FMO2: variants seen among roughly 807,000 people sequenced by gnomAD.
FMO2 encodes flavin-containing monooxygenase 2.
In FMO2, 33 loss-of-function variants were observed where a neutral mutation model predicts 41.6. That is an observed-to-expected ratio of 0.79 (90% CI 0.60 to 1.06). The LOEUF (loss-of-function observed/expected upper bound fraction) is 1.06, where lower values mean the gene tolerates loss of function less well. Among genes scored for constraint, FMO2 ranks in the 50% least tolerant of loss-of-function variants. FMO2 has a pLI of 0.00. For synonymous variants in FMO2, 214 were observed against 219.6 expected, an observed-to-expected ratio of 0.97 and a Z score of 0.23; for missense variants, 619 against 632.9, an observed-to-expected ratio of 0.98 and a Z score of 0.23.
chr1:171,185,674 G>A, intron 1 of FMO2, 34 bp from the exon 2 acceptor site: 2 of 1,611,140 alleles, frequency 1.2e-6, no homozygotes, highest in Non-Finnish European at 1.7e-6. Context: ...GGTTGTCCCA[G>A]TTAAGTAATG....
At chr1:171,199,317 C>T (rs1241621879) in intron 4 of FMO2, 29 bp from the exon 5 acceptor site, 4 of 1,535,414 alleles carry the variant, frequency 2.6e-6, no homozygotes, top group Non-Finnish European at 3.5e-6. Flanking sequence ...CTCTGGAGCT[C>T]ACAGACTTCT....
At chr1:171,193,576 A>G (rs1658177838) in intron 3 of FMO2, 53 bp downstream of exon 3, 10 of 1,159,192 alleles carry the variant, frequency 8.6e-6, no homozygotes, top group Middle Eastern at 2.3e-4. Context: ...GCTCATATTT[A>G]GATAGAAAAG....
rs747603171 is a variant in FMO2 at position 171,199,328 on chromosome 1, C to T, written c.485-18C>T. On this transcript the variant is annotated intron_variant, in intron 4 of 8. Coordinates refer to ENST00000209929, the MANE Select transcript of FMO2 (RefSeq NM_001460.5). ...GTTGCTCTGGAGCTCACAGACTTCT[C>T]TCTTCTTCCCCCTGAAGGTATGGAG... 1.9e-6 allele frequency: 3 copies of T among 1,557,372 alleles called. No homozygotes were observed. The South Asian group carries it at 3.7e-5, about 19-fold the overall frequency.
At chr1:171,199,650 C>G (rs775541070) in intron 5 of FMO2, 162 bp downstream of exon 5, 5 of 554,300 alleles carry the variant, frequency 9.0e-6, no homozygotes, top group Non-Finnish European at 1.5e-5. Flanking sequence ...ACCACTTTAC[C>G]TCCTAGCTCT....
At chr1:171,202,523 A>G (rs1427510422) in intron 5 of FMO2, among the ~76,000 whole-genome samples, 1 of 152,172 alleles carries the variant, frequency 6.6e-6, no homozygotes, top group Non-Finnish European at 1.5e-5. Flanking sequence ...TTATAACTTA[A>G]CAGCTAGCAG....
At chr1:171,201,996 G>A (rs1330707903) in intron 5 of FMO2, among the ~76,000 whole-genome samples, 1 of 152,142 alleles carries the variant, frequency 6.6e-6, no homozygotes. Flanking sequence ...GGGACACACA[G>A]CCAAACCATA....
Position 171,208,886 on chromosome 1 carries a change from G to A in FMO2, c.1349G>A (p.Cys450Tyr), listed in dbSNP as rs1049857219. 2.5e-6 allele frequency: 4 copies of A among 1,613,832 alleles called. No homozygotes were observed. The highest frequency in any genetic ancestry group is 3.4e-6 in the Non-Finnish European group (4 of 1,179,876). Residue 450 changes from cysteine to tyrosine, a missense_variant, in exon 9 of 9, where the codon TGC (cysteine) becomes TAC (tyrosine). Physicochemically the swap from Cys to Tyr is radical, Grantham distance 194. Transcript: ENST00000209929. ...ALEIGAKPDF[C>Y]SLLFKDPKLA... Reference sequence around the variant, plus strand: ...GAGATAGGTGCGAAGCCAGATTTCTGCTCTCTCTTGTTCAAAGATCCTAAA... The same window carrying A: ...GAGATAGGTGCGAAGCCAGATTTCTACTCTCTCTTGTTCAAAGATCCTAAA...
intron 5 of FMO2, among the ~76,000 whole-genome samples, chr1:171,200,589 C>T (rs1319157817): frequency 6.6e-6 from 1 of 152,164 alleles, no homozygotes; most frequent in African/African-American, 2.4e-5. Flanking sequence ...GCAAACATGA[C>T]ACCCGCCCAG....
rs764445127 is a variant in FMO2 at position 171,185,770 on chromosome 1, G to A, written c.57G>A (p.Lys19=). 2.5e-6 allele frequency: 4 copies of A among 1,613,764 alleles called. No homozygotes were observed. The South Asian group carries it at 4.4e-5, about 18-fold the overall frequency. ...GGGTCAGTGGCCTAATTTCTCTGAAGTGCTGTGTGGATGAGGGACTTGAGC... is the reference window on the plus strand; with the variant it reads ...GGGTCAGTGGCCTAATTTCTCTGAAATGCTGTGTGGATGAGGGACTTGAGC... The part of the protein sequence containing the change: ...GAGVSGLISL[K]CCVDEGLEPT... Residue 19 remains lysine, a synonymous_variant, in exon 2 of 9, where the codon AAG becomes AAA. Transcript: ENST00000209929.
intron 2 of FMO2, among the ~76,000 whole-genome samples, chr1:171,187,457 G>A (rs1657896796): frequency 6.6e-6 from 1 of 151,984 alleles, no homozygotes; most frequent in Admixed American, 6.6e-5. Flanking sequence ...TTTTTAACAT[G>A]TAACATTAGG....
intron 2 of FMO2, among the ~76,000 whole-genome samples, chr1:171,192,765 C>CAAA (rs71561558): frequency 1.3e-4 from 14 of 111,518 alleles, no homozygotes; most frequent in Non-Finnish European, 2.0e-4. Flanking sequence ...GACTCTGTCT[C>CAAA]AAAAAAAAAA....
At position 171,207,807 on chromosome 1, in the gene FMO2, A is replaced by G. The variant is rs1405614852; in HGVS notation, c.1256+17A>G. 6.9e-7 allele frequency: 1 copy of G among 1,451,702 alleles called. No homozygotes were observed. The highest frequency in any genetic ancestry group is 2.3e-5 in the East Asian group (1 of 44,106). 89.9% of individuals were successfully genotyped at this position (1,451,702 alleles called of 1,614,324 possible). A position where few individuals can be genotyped will look rare whatever the true frequency, so the allele number is the denominator to read the frequency against. Reference sequence around the variant, plus strand: ...AATTGACCTGTAAGAATTTTTTTTAATTCTTTACATGAAGCAGTGTTTCTC... The same window carrying G: ...AATTGACCTGTAAGAATTTTTTTTAGTTCTTTACATGAAGCAGTGTTTCTC... On this transcript the variant is annotated intron_variant, in intron 8 of 8. Transcript: ENST00000209929.
rs111487712 is a variant in FMO2 at position 171,200,845 on chromosome 1, C to T, written c.627+1357C>T. Among the ~76,000 whole-genome samples the T allele has an allele frequency of 7.2e-5, 11 of 152,156 alleles. No homozygotes were observed. In the East Asian group the frequency reaches 2.1e-3, roughly 29 times the overall value. ...GGAAAATGAGAGTACCAGCTCTAGG[C>T]TCTTTCATGCTAGGAATACCCGCAA... On this transcript the variant is annotated intron_variant, in intron 5 of 8. Transcript: ENST00000209929.
rs192452173 is a variant in FMO2 at position 171,203,730 on chromosome 1, C to T, written c.628-135C>T. 1.8e-3 allele frequency: 1,315 copies of T among 732,384 alleles called. 2 individuals are homozygous for T. The highest frequency in any genetic ancestry group is 2.4e-3 in the Non-Finnish European group (1,037 of 441,072). 45.4% of individuals were successfully genotyped at this position (732,384 alleles called of 1,614,324 possible). A position where few individuals can be genotyped will look rare whatever the true frequency, so the allele number is the denominator to read the frequency against. On this transcript the variant is annotated intron_variant, in intron 5 of 8. Transcript: ENST00000209929. ...GTACCCCTATTTAGGAGGTACTTTA[C>T]ATTGAGGTCAATCATCTTTAAAACA...
chr1:171,203,803 A>G (rs1490257284), intron 5 of FMO2, 62 bp from the exon 6 acceptor site: 8 of 1,407,288 alleles, frequency 5.7e-6, no homozygotes, highest in South Asian at 1.2e-5. Context: ...TGACCTTCAT[A>G]GTAGATTCCT....
intron 4 of FMO2, 160 bp from the exon 5 acceptor site, chr1:171,199,186 G>C (rs1467288545): frequency 1.5e-5 from 9 of 593,528 alleles, no homozygotes; most frequent in Non-Finnish European, 2.2e-5. Flanking sequence ...GGCCCCACCT[G>C]GTCTGGTACC....
intron 2 of FMO2, among the ~76,000 whole-genome samples, chr1:171,188,050 T>C (rs12086397): frequency 0.1 from 15,619 of 149,360 alleles, 1,551 homozygotes; most frequent in African/African-American, 0.26. Flanking sequence ...TTTTTTTTTT[T>C]TTTTGCTCCC....
chr1:171,197,944 A>T (rs987171042), intron 4 of FMO2, among the ~76,000 whole-genome samples: 27 of 152,212 alleles, frequency 1.8e-4, no homozygotes, highest in African/African-American at 6.5e-4. Context: ...TGCCAGAAGA[A>T]ATAACTTCCT....
intron 4 of FMO2, among the ~76,000 whole-genome samples, chr1:171,198,686 C>T (rs1214668021): frequency 6.6e-6 from 1 of 152,142 alleles, no homozygotes; most frequent in East Asian, 1.9e-4. Context: ...GCTGGGATTA[C>T]AGGTGTGAGC....
Sources: gnomAD v4.1 joint callset for allele counts (sites outside exome capture counted in the v4.1 genomes callset) on GRCh38, gnomAD v4.1.1 for gene constraint, MANE v1.5 for transcripts, NCBI Gene and HGNC (gene_info 2026-07-23, HGNC 2026-07-21) for gene names.